The following CDH23 variants were observed in gnomAD, a reference collection of about 807,000 sequenced individuals.
CDH23 encodes cadherin-23.
A neutral mutation model predicts 317.1 loss-of-function variants in CDH23; 189 were observed. That is an observed-to-expected ratio of 0.60 (90% confidence interval 0.53 to 0.67). The LOEUF is 0.67. Among genes scored for constraint, CDH23 ranks in the 30% least tolerant of loss-of-function variants. The probability of loss-of-function intolerance (pLI) is 0.00; values close to 1 mark genes in which losing one functional copy is unlikely to be tolerated. For missense variants in CDH23, 4,401 were observed against 4,592.4 expected (o/e 0.96, Z 1.20); for synonymous variants, 1,839 against 1,876.8 (o/e 0.98, Z 0.52).
intron 9 of CDH23, among the ~76,000 whole-genome samples, chr10:71,591,358 T>C (rs1380816095): frequency 1.3e-5 from 2 of 152,340 alleles, no homozygotes; most frequent in East Asian, 3.9e-4. Flanking sequence ...TTTCCATTTC[T>C]GTCAGTTCTA....
chr10:71,792,832 AAAAAAAAAAAAAAAAAAAAAAT>A (rs988220437), intron 47 of CDH23, among the ~76,000 whole-genome samples: 7 of 72,824 alleles, frequency 9.6e-5, no homozygotes, highest in African/African-American at 4.2e-4. Flanking sequence ...AAAAAAAAAA[AAAAAAAAAAAAAAAAAAAAAAT>A]ATATATATAT....
intron 3 of CDH23, among the ~76,000 whole-genome samples, chr10:71,493,859 TAA>T (rs1852805258): frequency 6.6e-6 from 1 of 152,226 alleles, no homozygotes; most frequent in Non-Finnish European, 1.5e-5. Flanking sequence ...TTTTTAATTA[TAA>T]TAGCGTGCAT....
chr10:71,767,674 C>T (rs546465029), intron 38 of CDH23, among the ~76,000 whole-genome samples: 1 of 152,342 alleles, frequency 6.6e-6, no homozygotes, highest in African/African-American at 2.4e-5. Context: ...AGAAAGGAAG[C>T]GTCACAAGGC....
intron 3 of CDH23, among the ~76,000 whole-genome samples, chr10:71,470,294 A>G (rs1045677736): frequency 6.6e-6 from 1 of 152,154 alleles, no homozygotes; most frequent in African/African-American, 2.4e-5. Context: ...ATAATGTAAA[A>G]TTTACCATTT....
At chr10:71,741,582 G>A (rs1262412167) in intron 37 of CDH23, 112 bp from the exon 38 acceptor site, 6 of 822,782 alleles carry the variant, frequency 7.3e-6, no homozygotes, top group South Asian at 3.3e-5. Context: ...TGGGGTAGAT[G>A]CAGCAAAGCT....
At chr10:71,503,377 T>G (rs994551972) in intron 3 of CDH23, among the ~76,000 whole-genome samples, 1 of 152,252 alleles carries the variant, frequency 6.6e-6, no homozygotes, top group Non-Finnish European at 1.5e-5. Context: ...TCCTTTCCCC[T>G]GTCCATTTGT....
At chr10:71,580,853 C>T (rs1858578212) in intron 9 of CDH23, among the ~76,000 whole-genome samples, 1 of 152,058 alleles carries the variant, frequency 6.6e-6, no homozygotes, top group African/African-American at 2.4e-5. Context: ...CCCCCACCCC[C>T]CATTCCTACC....
At chr10:71,561,567 C>G (rs1311218652) in intron 6 of CDH23, among the ~76,000 whole-genome samples, 1 of 152,130 alleles carries the variant, frequency 6.6e-6, no homozygotes, top group Non-Finnish European at 1.5e-5. Context: ...CCTTGTCACC[C>G]CAGGAGTAGC....
chr10:71,548,459 C>G (rs1348498824), intron 6 of CDH23, among the ~76,000 whole-genome samples: 1 of 151,262 alleles, frequency 6.6e-6, no homozygotes, highest in African/African-American at 2.4e-5. Flanking sequence ...CAGCTCTCCT[C>G]CAAGTGGAAG....
At chr10:71,648,443 T>C (rs993918135) in intron 14 of CDH23, among the ~76,000 whole-genome samples, 15 of 152,240 alleles carry the variant, frequency 9.9e-5, no homozygotes, top group Non-Finnish European at 2.2e-4. Flanking sequence ...CAAAGAATTC[T>C]AGTGTCAGAT....
chr10:71,625,498 G>A (rs1413102321), intron 11 of CDH23, among the ~76,000 whole-genome samples: 1 of 150,568 alleles, frequency 6.6e-6, no homozygotes, highest in Non-Finnish European at 1.5e-5. Context: ...GTGGAGGTGA[G>A]AAGGGGAGAC....
intron 3 of CDH23, among the ~76,000 whole-genome samples, chr10:71,454,504 A>T (rs1055081338): frequency 1.3e-5 from 2 of 152,218 alleles, no homozygotes; most frequent in Non-Finnish European, 1.5e-5. Context: ...AAAAGAACCT[A>T]GACTGGAAAT....
intron 1 of CDH23, among the ~76,000 whole-genome samples, chr10:71,423,424 C>T (rs552260040): frequency 6.6e-6 from 1 of 152,334 alleles, no homozygotes; most frequent in African/African-American, 2.4e-5. Flanking sequence ...TTTGAAACCA[C>T]TCCCTGCTGC....
At position 71,443,968 on chromosome 10, in the gene CDH23, G is replaced by A. The variant is rs1321924406; in HGVS notation, c.68-2350G>A. ...CAGTGACTGATTAGTGGCAGGCCCT[G>A]TAAAGTAAAATTTAGAAATGAACGA... On this transcript the variant is annotated intron_variant, in intron 2 of 69. Coordinates refer to ENST00000224721, the MANE Select transcript of CDH23 (RefSeq NM_022124.6). Among the ~76,000 whole-genome samples, 4 of 152,236 alleles carry A rather than the reference G, an allele frequency of 2.6e-5. No individual in the cohort carries two copies. The East Asian group carries it at 7.7e-4, about 29-fold the overall frequency.
chr10:71,594,329 G>C (rs7087454), intron 9 of CDH23, among the ~76,000 whole-genome samples: 152,223 of 152,246 alleles, frequency 1, 76,100 homozygotes, highest in East Asian at 1. Flanking sequence ...CTTCCTTCCT[G>C]TTTCTTTCTT....
At chr10:71,473,434 G>A (rs1317679088) in intron 3 of CDH23, among the ~76,000 whole-genome samples, 2 of 152,144 alleles carry the variant, frequency 1.3e-5, no homozygotes, top group African/African-American at 2.4e-5. Flanking sequence ...ATGATGTTAC[G>A]TGCTGGTATA....
At chr10:71,525,148 C>T (rs986380856) in intron 6 of CDH23, among the ~76,000 whole-genome samples, 5 of 152,174 alleles carry the variant, frequency 3.3e-5, no homozygotes, top group Non-Finnish European at 5.9e-5. Context: ...TTCAAGTGAT[C>T]TGCCCACCTC....
chr10:71,743,051 A>C (rs1469825312), intron 38 of CDH23, among the ~76,000 whole-genome samples: 1 of 152,234 alleles, frequency 6.6e-6, no homozygotes, highest in African/African-American at 2.4e-5. Flanking sequence ...CAGAAGAGAC[A>C]GCAGAGGCGT....
chr10:71,802,789 C>A, intron 53 of CDH23, 109 bp from the exon 54 acceptor site: 1 of 1,179,152 alleles, frequency 8.5e-7, no homozygotes, highest in Non-Finnish European at 1.2e-6. Context: ...ACCTCCCTCC[C>A]AGGCTGGTGC....
Sources: allele counts gnomAD v4.1 joint callset (sites outside exome capture counted in the v4.1 genomes callset), GRCh38; gene constraint gnomAD v4.1.1; transcripts MANE v1.5; gene names NCBI Gene and HGNC (gene_info 2026-07-23, HGNC 2026-07-21).